The following MCTP1 variants were observed in gnomAD, a reference collection of about 807,000 sequenced individuals.
MCTP1 encodes the protein multiple C2 and transmembrane domain-containing protein 1.
Under a neutral mutation model 120.6 loss-of-function variants are expected in MCTP1, and 69 were observed. The observed-to-expected ratio is 0.57, with a 90% confidence interval of 0.47 to 0.70. The LOEUF (loss-of-function observed/expected upper bound fraction) is 0.70, where lower values mean the gene tolerates loss of function less well. Ranked by LOEUF, MCTP1 falls within the 30% of genes least tolerant of loss-of-function variation. The pLI, the probability that MCTP1 is intolerant of heterozygous loss-of-function variation, is 0.00. For synonymous variants in MCTP1, 529 were observed against 493.1 expected (o/e 1.07, Z -0.96); for missense variants, 1,203 against 1,248.8 (o/e 0.96, Z 0.55).
intron 1 of MCTP1, among the ~76,000 whole-genome samples, chr5:95,093,600 G>A (rs571725434): frequency 6.6e-6 from 1 of 152,278 alleles, no homozygotes. Flanking sequence ...TCTTGGGGGA[G>A]AGGATAAATA....
intron 2 of MCTP1, among the ~76,000 whole-genome samples, chr5:94,994,992 C>T (rs550989186): frequency 3.3e-5 from 5 of 152,192 alleles, no homozygotes; most frequent in East Asian, 1.9e-4. Flanking sequence ...ACTGCACTAT[C>T]GGCTTCCTAC....
At chr5:94,872,925 G>T (rs1451096259) in intron 13 of MCTP1, among the ~76,000 whole-genome samples, 1 of 151,982 alleles carries the variant, frequency 6.6e-6, no homozygotes, top group Admixed American at 6.6e-5. Flanking sequence ...TTCAAAAAAT[G>T]TCTGTGAAAA....
intron 18 of MCTP1, among the ~76,000 whole-genome samples, chr5:94,782,871 A>T (rs982301984): frequency 6.6e-6 from 1 of 152,140 alleles, no homozygotes; most frequent in Middle Eastern, 3.2e-3. Flanking sequence ...GAAAAGATAC[A>T]TTTACGAAGT....
chr5:94,998,203 A>G (rs1382060788), intron 2 of MCTP1, among the ~76,000 whole-genome samples: 1 of 152,206 alleles, frequency 6.6e-6, no homozygotes, highest in African/African-American at 2.4e-5. Flanking sequence ...AAAATAAGCA[A>G]ACAGGAAGAA....
At chr5:95,177,165 A>C (rs915516702) in intron 1 of MCTP1, among the ~76,000 whole-genome samples, 3 of 151,448 alleles carry the variant, frequency 2.0e-5, no homozygotes, top group African/African-American at 7.3e-5. Context: ...CTATATTTAT[A>C]TATTTATATT....
rs190991665 is a variant in MCTP1, at chr5:94,729,344, C to T, written c.2611-14458G>A. On this transcript the variant is annotated intron_variant, in intron 19 of 22. Coordinates refer to ENST00000515393, the MANE Select transcript of MCTP1 (RefSeq NM_024717.7). Reference sequence around the variant, plus strand: ...CTGTGGCAGGAGTGGCACCATGGAGCGGGTGCTTGGCAGTACAATATTTGG... The same window carrying T: ...CTGTGGCAGGAGTGGCACCATGGAGTGGGTGCTTGGCAGTACAATATTTGG... Among the ~76,000 whole-genome samples, 17 of 152,130 alleles carry T rather than the reference C, an allele frequency of 1.1e-4. No individual in the cohort carries two copies. In the East Asian group the frequency reaches 2.5e-3, roughly 23 times the overall value.
chr5:94,931,863 G>T, intron 6 of MCTP1, 90 bp downstream of exon 6: 1 of 942,168 alleles, frequency 1.1e-6, no homozygotes, highest in Non-Finnish European at 1.7e-6. Flanking sequence ...AAATCTGGTA[G>T]CATACTTTGA....
intron 1 of MCTP1, among the ~76,000 whole-genome samples, chr5:95,075,161 A>T (rs1753235183): frequency 6.6e-6 from 1 of 152,238 alleles, no homozygotes; most frequent in Non-Finnish European, 1.5e-5. Flanking sequence ...AACACTTTGA[A>T]CTGCTTTGAC....
chr5:94,776,000 G>T (rs1170744738), intron 19 of MCTP1, among the ~76,000 whole-genome samples: 2 of 148,408 alleles, frequency 1.3e-5, no homozygotes, highest in Non-Finnish European at 3.0e-5. Context: ...GCCATAATCT[G>T]GAAGAACTTC....
At chr5:94,963,749 C>T (rs947507444) in intron 2 of MCTP1, among the ~76,000 whole-genome samples, 9 of 152,042 alleles carry the variant, frequency 5.9e-5, no homozygotes, top group Non-Finnish European at 1.5e-5. Flanking sequence ...AATATTTTCT[C>T]CCCTTCCATA....
chr5:95,073,578 A>G (rs1298323878), intron 1 of MCTP1, among the ~76,000 whole-genome samples: 1 of 152,174 alleles, frequency 6.6e-6, no homozygotes, highest in Non-Finnish European at 1.5e-5. Context: ...GCCCATACTC[A>G]AAAGGTTTCC....
chr5:95,212,600 T>C (rs1008569991), intron 1 of MCTP1, among the ~76,000 whole-genome samples: 2 of 152,012 alleles, frequency 1.3e-5, no homozygotes, highest in African/African-American at 4.8e-5. Context: ...TGAACATTGA[T>C]GCAAAAATCC....
intron 1 of MCTP1, chr5:95,024,045 C>T (rs753048636): frequency 1.5e-4 from 68 of 441,766 alleles, no homozygotes; most frequent in Non-Finnish European, 2.8e-4. Context: ...TCCTAATCTA[C>T]GGATGGTCTT....
intron 1 of MCTP1, among the ~76,000 whole-genome samples, chr5:95,094,015 T>G (rs1756040703): frequency 6.6e-6 from 1 of 152,192 alleles, no homozygotes; most frequent in Admixed American, 6.5e-5. Context: ...TTCAGGTGTT[T>G]GAACAAATCT....
chr5:95,114,283 G>A (rs186761756), intron 1 of MCTP1, among the ~76,000 whole-genome samples: 1 of 152,330 alleles, frequency 6.6e-6, no homozygotes, highest in Admixed American at 6.5e-5. Flanking sequence ...TTTGTCTATA[G>A]GGAACTTTGT....
At chr5:94,996,846 T>C (rs1002710257) in intron 2 of MCTP1, among the ~76,000 whole-genome samples, 5 of 152,122 alleles carry the variant, frequency 3.3e-5, no homozygotes, top group Admixed American at 6.5e-5. Context: ...ACTTGAGACA[T>C]GGATATTTTA....
intron 1 of MCTP1, among the ~76,000 whole-genome samples, chr5:95,205,840 T>C (rs2152559693): frequency 6.6e-6 from 1 of 152,234 alleles, no homozygotes; most frequent in South Asian, 2.1e-4. Context: ...TGAAATAATA[T>C]TTCACACTCA....
intron 2 of MCTP1, among the ~76,000 whole-genome samples, chr5:95,001,785 T>G (rs1833757121): frequency 6.6e-6 from 1 of 152,086 alleles, no homozygotes; most frequent in South Asian, 2.1e-4. Flanking sequence ...GAAAAAATCA[T>G]TTTTGGGGGG....
In MCTP1 at chr5:94,722,447, C is replaced by G. The variant is rs184959386; in HGVS notation, c.2611-7561G>C. ...CCTGTGCTGTATTAATCAGAATTAG[C>G]AGGTATGTAGAATATATTTGCTACA... On this transcript the variant is annotated intron_variant, in intron 19 of 22. Transcript: ENST00000515393. Among the ~76,000 whole-genome samples the G allele has an allele frequency of 1.4e-4, 21 of 152,190 alleles. No homozygotes were observed. In the East Asian group the frequency reaches 3.9e-3, roughly 28 times the overall value.
Sources: allele counts gnomAD v4.1 joint callset (sites outside exome capture counted in the v4.1 genomes callset), GRCh38; gene constraint gnomAD v4.1.1; transcripts MANE v1.5; gene names NCBI Gene and HGNC (gene_info 2026-07-23, HGNC 2026-07-21).